Variants in SELENOI observed in about 807,000 individuals in gnomAD.
SELENOI encodes selenoprotein I.
SELENOI carries 24 observed loss-of-function variants against 50.7 expected under a neutral mutation model. That is an observed-to-expected ratio of 0.47 (90% CI 0.34 to 0.67). The LOEUF (loss-of-function observed/expected upper bound fraction) is 0.67. Among genes scored for constraint, SELENOI ranks in the 30% least tolerant of loss-of-function variants. The probability of loss-of-function intolerance (pLI) is 0.01; values close to 1 mark genes in which losing one functional copy is unlikely to be tolerated. For synonymous variants in SELENOI, 155 were observed against 170.2 expected, an observed-to-expected ratio of 0.91 and a Z score of 0.70; for missense variants, 352 against 461.4, an observed-to-expected ratio of 0.76 and a Z score of 2.17.
chr2:26,386,611 G>C, intron 9 of SELENOI, 75 bp downstream of exon 9: 1 of 1,257,170 alleles, frequency 8.0e-7, no homozygotes, highest in Non-Finnish European at 1.1e-6. Context: ...GAGTAGAAAG[G>C]AGGCAATGGA....
Position 26,346,243 on chromosome 2 carries a change from A to G in SELENOI, c.11A>G (p.Tyr4Cys). 1.2e-6 allele frequency: 2 copies of G among 1,613,618 alleles called. No individual in the cohort carries two copies. The highest frequency in any genetic ancestry group is 1.7e-6 in the Non-Finnish European group (2 of 1,179,624). Residue 4 changes from tyrosine to cysteine, a missense_variant, in exon 1 of 10, where the codon TAC (tyrosine) becomes TGC (cysteine). Tyr to Cys is a radical substitution (Grantham distance 194). Transcript: ENST00000260585. MAG[Y>C]EYVSPEQLAG... The stretch of plus-strand genomic sequence containing the variant: ...AGTTTTCGGGTCGTCATGGCTGGCT[A>G]CGAATACGTGAGCCCGGAGCAGCTG...
chr2:26,367,092 G>A, intron 3 of SELENOI, 54 bp from the exon 4 acceptor site: 1 of 1,452,246 alleles, frequency 6.9e-7, no homozygotes, highest in Non-Finnish European at 9.5e-7. Context: ...ATATGCTATG[G>A]TAAGAACTAC....
chr2:26,380,668 G>A (rs1677671863), intron 6 of SELENOI, among the ~76,000 whole-genome samples: 1 of 152,204 alleles, frequency 6.6e-6, no homozygotes, highest in Non-Finnish European at 1.5e-5. Flanking sequence ...GCTAGTAGAG[G>A]ACAAATGTGT....
At chr2:26,363,154 C>A (rs879774913) in intron 1 of SELENOI, among the ~76,000 whole-genome samples, 1 of 152,156 alleles carries the variant, frequency 6.6e-6, no homozygotes, top group African/African-American at 2.4e-5. Context: ...ATCTGTCATT[C>A]CTTTGGTACT....
intron 6 of SELENOI, among the ~76,000 whole-genome samples, chr2:26,381,433 C>T (rs1677699363): frequency 6.6e-6 from 1 of 151,908 alleles, no homozygotes; most frequent in Non-Finnish European, 1.5e-5. Flanking sequence ...AAAGAAGAAA[C>T]AGAAGATGCA....
At chr2:26,381,044 A>G (rs1315528396) in intron 6 of SELENOI, among the ~76,000 whole-genome samples, 1 of 146,624 alleles carries the variant, frequency 6.8e-6, no homozygotes, top group Non-Finnish European at 1.5e-5. Flanking sequence ...AGTTTTCCCC[A>G]TTATTGTTTC....
intron 6 of SELENOI, among the ~76,000 whole-genome samples, chr2:26,379,017 A>G (rs1325013253): frequency 1.3e-5 from 2 of 152,146 alleles, no homozygotes; most frequent in Admixed American, 6.5e-5. Flanking sequence ...GCTCACACCT[A>G]TAATACCAGA....
At chr2:26,355,861 C>T (rs967692914) in intron 1 of SELENOI, among the ~76,000 whole-genome samples, 2 of 151,946 alleles carry the variant, frequency 1.3e-5, no homozygotes, top group East Asian at 1.9e-4. Flanking sequence ...CCCACTTCAA[C>T]CTCTCAAGTA....
Position 26,369,159 on chromosome 2 carries a change from C to G in SELENOI, c.310+1939C>G, listed in dbSNP as rs76487493. Among the ~76,000 whole-genome samples, 1,455 of 152,292 alleles carry G rather than the reference C, an allele frequency of 9.6e-3. 29 individuals are homozygous for G. Among genetic ancestry groups the G allele is most frequent in the African/African-American group, 0.033 (1,373 of 41,550 alleles). ...CTCTAACAGGCTCTTCTGTTTCTGC[C>G]TGTAAAATGAAGGTATTCTACTGTG... On this transcript the variant is annotated intron_variant, in intron 4 of 9. Transcript: ENST00000260585.
chr2:26,368,256 C>T (rs1430679262), intron 4 of SELENOI, among the ~76,000 whole-genome samples: 1 of 152,194 alleles, frequency 6.6e-6, no homozygotes, highest in Non-Finnish European at 1.5e-5. Context: ...TAGTTAAAAG[C>T]TACATATTTA....
At chr2:26,361,080 G>A (rs553994597) in intron 1 of SELENOI, among the ~76,000 whole-genome samples, 1 of 152,198 alleles carries the variant, frequency 6.6e-6, no homozygotes, top group Non-Finnish European at 1.5e-5. Context: ...TGGGCGTGGT[G>A]GTGGGCGCCT....
chr2:26,385,491 T>C (rs1190508847), intron 8 of SELENOI, among the ~76,000 whole-genome samples: 1 of 152,234 alleles, frequency 6.6e-6, no homozygotes, highest in African/African-American at 2.4e-5. Context: ...ATGATTATTC[T>C]AGGAAGCTTG....
Position 26,383,358 on chromosome 2 carries a change from T to A in SELENOI, c.731+11T>A. On this transcript the variant is annotated intron_variant, in intron 7 of 9. Transcript: ENST00000260585. The stretch of plus-strand genomic sequence containing the variant: ...ATTAAACTTTTTCAGGTAAGTATTT[T>A]ATTTTTTAAATGGGCAAGAAATATG... The A allele has an allele frequency of 6.6e-7, 1 of 1,515,642 alleles. No individual in the cohort carries two copies. The highest frequency in any genetic ancestry group is 8.9e-7 in the Non-Finnish European group (1 of 1,117,628). 93.9% of individuals were successfully genotyped at this position (1,515,642 alleles called of 1,614,324 possible).
chr2:26,383,493 T>G, intron 7 of SELENOI, 146 bp downstream of exon 7: 1 of 592,118 alleles, frequency 1.7e-6, no homozygotes, highest in East Asian at 2.9e-5. Context: ...TGGGGTAGGA[T>G]AGTTTAGGGT....
chr2:26,385,300 A>G (rs530323730), intron 8 of SELENOI, among the ~76,000 whole-genome samples, 161 bp downstream of exon 8: 1 of 152,332 alleles, frequency 6.6e-6, no homozygotes, highest in East Asian at 1.9e-4. Context: ...GAAATGCTGA[A>G]AATTATTTTA....
At chr2:26,358,036 C>T (rs1042251579) in intron 1 of SELENOI, among the ~76,000 whole-genome samples, 1 of 152,198 alleles carries the variant, frequency 6.6e-6, no homozygotes, top group Non-Finnish European at 1.5e-5. Context: ...TGCCTTTCGC[C>T]TTCCACTATG....
At chr2:26,373,735 A>G in intron 5 of SELENOI, 106 bp downstream of exon 5, 2 of 1,170,282 alleles carry the variant, frequency 1.7e-6, no homozygotes, top group Non-Finnish European at 2.3e-6. Flanking sequence ...TAGAATTGAT[A>G]TGTACTTAAA....
chr2:26,366,994 G>A (rs1677297938), intron 3 of SELENOI, among the ~76,000 whole-genome samples, 152 bp from the exon 4 acceptor site: 1 of 152,092 alleles, frequency 6.6e-6, no homozygotes, highest in Admixed American at 6.6e-5. Flanking sequence ...TCAGTTTCCT[G>A]GTATTATTTA....
chr2:26,348,852 G>T (rs1016860683), intron 1 of SELENOI, among the ~76,000 whole-genome samples: 1 of 151,720 alleles, frequency 6.6e-6, no homozygotes, highest in Non-Finnish European at 1.5e-5. Context: ...GATATTGAAA[G>T]GGTGCTTTTG....
Sources: allele counts gnomAD v4.1 joint callset (sites outside exome capture counted in the v4.1 genomes callset), GRCh38; gene constraint gnomAD v4.1.1; transcripts MANE v1.5; gene names NCBI Gene and HGNC (gene_info 2026-07-23, HGNC 2026-07-21).